The following SLC35F3 variants were observed in gnomAD, a reference collection of about 807,000 sequenced individuals.
SLC35F3 encodes solute carrier family 35 member F3, also known as putative thiamine transporter SLC35F3.
SLC35F3 carries 25 observed loss-of-function variants against 49.9 expected under a neutral mutation model. That is an observed-to-expected ratio of 0.50 (90% confidence interval 0.37 to 0.70). SLC35F3 has a LOEUF of 0.70. Ranked by LOEUF, SLC35F3 falls within the 30% of genes least tolerant of loss-of-function variation. SLC35F3 has a pLI of 0.00. For missense variants in SLC35F3, 525 were observed against 639.8 expected (o/e 0.82, Z 1.94); for synonymous variants, 275 against 265.4 (o/e 1.04, Z -0.35).
chr1:234,251,119 C>T (rs536664993), intron 3 of SLC35F3, among the ~76,000 whole-genome samples: 3 of 152,272 alleles, frequency 2.0e-5, no homozygotes, highest in Non-Finnish European at 4.4e-5. Context: ...AGTATTTCGA[C>T]ATCTTGACCA....
At chr1:233,964,344 C>G (rs1662859513) in intron 2 of SLC35F3, among the ~76,000 whole-genome samples, 1 of 152,170 alleles carries the variant, frequency 6.6e-6, no homozygotes. Context: ...CTGAAGTGGC[C>G]TGGGGCTGGA....
intron 2 of SLC35F3, among the ~76,000 whole-genome samples, chr1:234,063,379 A>C (rs145262366): frequency 6.6e-6 from 1 of 152,212 alleles, no homozygotes; most frequent in Non-Finnish European, 1.5e-5. Flanking sequence ...CTTTTAATCT[A>C]TAACTAAGGT....
intron 3 of SLC35F3, among the ~76,000 whole-genome samples, chr1:234,287,170 GC>G (rs1558098821): frequency 6.6e-6 from 1 of 152,156 alleles, no homozygotes; most frequent in Non-Finnish European, 1.5e-5. Context: ...CTGCACTCCA[GC>G]CTGGGCAACA....
intron 2 of SLC35F3, among the ~76,000 whole-genome samples, chr1:234,006,244 G>T (rs917859692): frequency 6.6e-6 from 1 of 152,064 alleles, no homozygotes. Flanking sequence ...GTTCATATTT[G>T]CAGTGAACCA....
intron 2 of SLC35F3, among the ~76,000 whole-genome samples, chr1:234,180,785 CA>C (rs1184984779): frequency 1.3e-5 from 2 of 152,220 alleles, no homozygotes; most frequent in Non-Finnish European, 2.9e-5. Flanking sequence ...AGGGAAGATA[CA>C]GGAGATTCCT....
chr1:233,958,831 T>C (rs1263348106), intron 2 of SLC35F3, among the ~76,000 whole-genome samples: 2 of 152,240 alleles, frequency 1.3e-5, no homozygotes, highest in Non-Finnish European at 2.9e-5. Context: ...CAAGTTCTTT[T>C]GACCTCACTT....
At chr1:234,126,572 G>A (rs1189731416) in intron 2 of SLC35F3, among the ~76,000 whole-genome samples, 2 of 151,764 alleles carry the variant, frequency 1.3e-5, no homozygotes, top group Middle Eastern at 3.2e-3. Flanking sequence ...GTCCATGACC[G>A]CAGGCTCCCT....
chr1:234,098,971 G>T (rs1345572324), intron 2 of SLC35F3, among the ~76,000 whole-genome samples: 1 of 152,096 alleles, frequency 6.6e-6, no homozygotes, highest in East Asian at 1.9e-4. Flanking sequence ...TGATGGAGGT[G>T]GTGACTGTGT....
intron 2 of SLC35F3, among the ~76,000 whole-genome samples, chr1:234,148,748 AC>A (rs1279516220): frequency 2.9e-4 from 44 of 152,258 alleles, no homozygotes; most frequent in African/African-American, 1.0e-3. Context: ...GGTGATTTGA[AC>A]TAAGATGGTG....
intron 2 of SLC35F3, among the ~76,000 whole-genome samples, chr1:234,169,837 A>G (rs562994405): frequency 1.3e-5 from 2 of 152,146 alleles, no homozygotes; most frequent in East Asian, 3.9e-4. Flanking sequence ...GTGCGATCTC[A>G]GCTCACTGCA....
chr1:234,184,422 C>A lies in SLC35F3; in HGVS notation c.284-46995C>A, dbSNP rs147595452. On this transcript the variant is annotated intron_variant, in intron 2 of 7. Transcript: ENST00000366618. ...ATGAAGCATGTTTTGAGCCTACACA[C>A]TGTGAGACCTATGACTTTAATATTT... Among the ~76,000 whole-genome samples, 20 of 152,338 alleles carry A rather than the reference C, an allele frequency of 1.3e-4. No individual in the cohort carries two copies. The East Asian group carries it at 3.5e-3, about 26-fold the overall frequency.
At position 234,267,912 on chromosome 1, in the gene SLC35F3, A is replaced by G. The variant is rs1267821196; in HGVS notation, c.608+36171A>G. Among the ~76,000 whole-genome samples the G allele has an allele frequency of 6.2e-5, 5 of 80,434 alleles. 1 individual carries two copies. The highest frequency in any genetic ancestry group is 2.6e-4 in the East Asian group (1 of 3,828). The allele number at this position is 80,434 out of a possible 152,430, so 52.8% of individuals were successfully genotyped here. A position where few individuals can be genotyped will look rare whatever the true frequency, so the allele number is the denominator to read the frequency against. ...TCAGACGATGGGCTGCCGGGCAGAGACGCTCCTCACTTCCTAGATGGGATG... is the reference window on the plus strand; with the variant it reads ...TCAGACGATGGGCTGCCGGGCAGAGGCGCTCCTCACTTCCTAGATGGGATG... On this transcript the variant is annotated intron_variant, in intron 3 of 7. Transcript: ENST00000366618.
At chr1:234,012,659 T>C (rs559038801) in intron 2 of SLC35F3, among the ~76,000 whole-genome samples, 1 of 152,354 alleles carries the variant, frequency 6.6e-6, no homozygotes, top group East Asian at 1.9e-4. Flanking sequence ...ACACATGTTT[T>C]TGTGAGCTCA....
rs529867114 is a variant in SLC35F3, at chr1:234,177,265, G to A, written c.284-54152G>A. On this transcript the variant is annotated intron_variant, in intron 2 of 7. Coordinates refer to ENST00000366618, the MANE Select transcript of SLC35F3 (RefSeq NM_173508.4). ...GGCCTCCCCAGCCATGTGGAACTGT[G>A]AGTCCAATTAAACCTCTTTCTTTTG... is the stretch of plus-strand genomic sequence containing the variant. Among the ~76,000 whole-genome samples the A allele has an allele frequency of 4.7e-4, 71 of 152,286 alleles. 1 individual carries two copies. Among genetic ancestry groups the A allele is most frequent in the African/African-American group, 1.7e-3 (69 of 41,556 alleles).
chr1:234,315,421 TTA>T (rs940384812), intron 4 of SLC35F3, among the ~76,000 whole-genome samples: 43 of 152,312 alleles, frequency 2.8e-4, no homozygotes, highest in Middle Eastern at 3.4e-3. Context: ...GCATTCCTGT[TTA>T]TATATGTAAG....
chr1:234,060,594 A>G (rs557121448), intron 2 of SLC35F3, among the ~76,000 whole-genome samples: 3 of 152,176 alleles, frequency 2.0e-5, no homozygotes, highest in African/African-American at 7.2e-5. Context: ...CCACAGACAC[A>G]TGCCACCATG....
intron 2 of SLC35F3, among the ~76,000 whole-genome samples, chr1:233,948,758 T>A (rs553734293): frequency 7.3e-6 from 1 of 137,564 alleles, no homozygotes; most frequent in Non-Finnish European, 1.5e-5. Context: ...TTCCCCTTCC[T>A]ATGTCCATGT....
intron 2 of SLC35F3, among the ~76,000 whole-genome samples, chr1:234,073,881 C>T (rs1308517345): frequency 1.3e-5 from 2 of 152,106 alleles, no homozygotes; most frequent in South Asian, 2.1e-4. Flanking sequence ...ATATTTGTAA[C>T]ATAAAATTTA....
intron 2 of SLC35F3, among the ~76,000 whole-genome samples, chr1:234,017,232 A>G (rs754329408): frequency 7.9e-5 from 12 of 152,156 alleles, no homozygotes; most frequent in Non-Finnish European, 1.5e-4. Context: ...AGAAAACTCA[A>G]TGATCAAAAG....
Sources: allele counts gnomAD v4.1 joint callset (sites outside exome capture counted in the v4.1 genomes callset), GRCh38; gene constraint gnomAD v4.1.1; transcripts MANE v1.5; gene names NCBI Gene and HGNC (gene_info 2026-07-23, HGNC 2026-07-21).